GBX1: variants seen among roughly 807,000 people sequenced by gnomAD.
GBX1 encodes gastrulation brain homeobox 1, also known as homeobox protein GBX-1.
A neutral mutation model predicts 22.9 loss-of-function variants in GBX1; 9 were observed. That is an observed-to-expected ratio of 0.39 (90% confidence interval 0.24 to 0.69). GBX1 has a LOEUF of 0.69. Among genes scored for constraint, GBX1 ranks in the 30% least tolerant of loss-of-function variants. GBX1 has a pLI of 0.43. For missense variants in GBX1, 494 were observed against 509.2 expected, an observed-to-expected ratio of 0.97 and a Z score of 0.29; for synonymous variants, 203 against 227.3, an observed-to-expected ratio of 0.89 and a Z score of 0.96.
chr7:151,152,461 T>A (rs1011396063), intron 1 of GBX1, among the ~76,000 whole-genome samples: 1 of 152,238 alleles, frequency 6.6e-6, no homozygotes, highest in Non-Finnish European at 1.5e-5. Context: ...CTAATACCAT[T>A]AGTAAATCCT....
At chr7:151,158,343 C>T (rs1373077397) in intron 1 of GBX1, among the ~76,000 whole-genome samples, 1 of 152,144 alleles carries the variant, frequency 6.6e-6, no homozygotes, top group Non-Finnish European at 1.5e-5. Context: ...CTCAACCCAC[C>T]TGAGTGTGAA....
At chr7:151,165,353 T>G (rs1331315134) in intron 1 of GBX1, among the ~76,000 whole-genome samples, 1 of 152,202 alleles carries the variant, frequency 6.6e-6, no homozygotes, top group Non-Finnish European at 1.5e-5. Context: ...CATATGCCCC[T>G]AAGTCCCCGC....
In GBX1 at chr7:151,148,507, C is replaced by A; in HGVS notation, c.*82G>T. 3 of 1,327,816 alleles carry A rather than the reference C, an allele frequency of 2.3e-6. No individual in the cohort carries two copies. Among genetic ancestry groups the A allele is most frequent in the Non-Finnish European group, 3.1e-6 (3 of 965,892 alleles). 82.3% of individuals were successfully genotyped at this position (1,327,816 alleles called of 1,614,324 possible). ...CTCAAGGCAGAATCACAGTTGCAGCCCCTCTGGTCCACAGAACCCTGACAG... is the reference window on the plus strand; with the variant it reads ...CTCAAGGCAGAATCACAGTTGCAGCACCTCTGGTCCACAGAACCCTGACAG... On this transcript the variant is annotated 3_prime_UTR_variant, in exon 2 of 2. Transcript: ENST00000297537. This position sits in a 1 kb window ranked among gnomAD's most constrained non-coding sequence, Gnocchi z 5.1.
At position 151,148,650 on chromosome 7, in the gene GBX1, T is replaced by C. The variant is rs1801041381; in HGVS notation, c.1031A>G (p.His344Arg). The C allele has an allele frequency of 6.2e-7, 1 of 1,614,044 alleles. No homozygotes were observed. Among genetic ancestry groups the C allele is most frequent in the South Asian group, 1.1e-5 (1 of 91,068 alleles). The change falls in exon 2 of 2, where the codon CAT (histidine) becomes CGT (arginine). Residue 344 changes from histidine (H) to arginine (R), a missense_variant. Around this residue, in one of 3 missense-constraint regions of GBX1, gnomAD observed 124 missense variants for 152.0 expected, o/e 0.82. Transcript: ENST00000297537. This position sits in a 1 kb window ranked among gnomAD's most constrained non-coding sequence, Gnocchi z 5.1. ...GCTCCGCACAGCAAACCTGTTGACA[T>C]GCACAGGTATGGGGACAACAATCTT... ...NPKIVVPIPV[H>R]VNRFAVRSQH...
rs778703161 is a variant in GBX1, at chr7:151,148,599, G to A, written c.1082C>T (p.Ala361Val). ...TTCTTGGGTGCCCATTCAGGGCCGGGCCCCCTGCTCCATTTGTTGGTGCTG... is the reference window on the plus strand; with the variant it reads ...TTCTTGGGTGCCCATTCAGGGCCGGACCCCCTGCTCCATTTGTTGGTGCTG... ...RSQHQQMEQGARP is the reference protein window; with the variant it reads ...RSQHQQMEQGVRP Residue 361 changes from alanine (A) to valine (V), a missense_variant, in exon 2 of 2, where the codon GCC (alanine) becomes GTC (valine). By Grantham distance (64) the Ala-to-Val change is moderately conservative. Around this residue, in one of 3 missense-constraint regions of GBX1, gnomAD observed 124 missense variants for 152.0 expected, o/e 0.82. Transcript: ENST00000297537. The surrounding 1 kb of genome is among the most constrained non-coding windows in gnomAD (Gnocchi z 5.1). The A allele has an allele frequency of 6.2e-7, 1 of 1,612,726 alleles. No homozygotes were observed.
chr7:151,157,693 T>G (rs1801151475), intron 1 of GBX1, among the ~76,000 whole-genome samples: 1 of 150,856 alleles, frequency 6.6e-6, no homozygotes, highest in Non-Finnish European at 1.5e-5. Flanking sequence ...CCCGCTTCCT[T>G]TAGGTACTGC....
At chr7:151,166,595 T>TCC (rs1801254309) in intron 1 of GBX1, among the ~76,000 whole-genome samples, 3 of 148,646 alleles carry the variant, frequency 2.0e-5, no homozygotes, top group African/African-American at 2.5e-5. Flanking sequence ...GAACGTGCCC[T>TCC]CCATTGCTGA....
intron 1 of GBX1, among the ~76,000 whole-genome samples, chr7:151,151,047 G>A (rs538714540): frequency 1.1e-4 from 17 of 152,254 alleles, no homozygotes; most frequent in Non-Finnish European, 1.8e-4. Context: ...TTTCCTTAGT[G>A]GCCAGAACTC....
Position 151,149,147 on chromosome 7 carries a change from G to C in GBX1, c.539-5C>G. The C allele has an allele frequency of 6.3e-7, 1 of 1,597,066 alleles. No homozygotes were observed. The highest frequency in any genetic ancestry group is 1.1e-5 in the South Asian group (1 of 90,230). On this transcript the variant is annotated splice_polypyrimidine_tract_variant and splice_region_variant and intron_variant, in intron 1 of 1. Transcript: ENST00000297537. ...AGCTGTACACCTTCCCCTCTGCTGT[G>C]AGGAGCAAGAAGCCAATGGATGGGG... is the stretch of plus-strand genomic sequence containing the variant.
chr7:151,158,084 C>T (rs927712739), intron 1 of GBX1, among the ~76,000 whole-genome samples: 1 of 152,082 alleles, frequency 6.6e-6, no homozygotes, highest in Non-Finnish European at 1.5e-5. Context: ...TTTGCAGTTA[C>T]AAGAAGCAAT....
rs1483563896 is a variant in GBX1 at position 151,167,084 on chromosome 7, C to T, written c.465G>A (p.Pro155=). 3.7e-6 allele frequency: 6 copies of T among 1,603,110 alleles called. No individual in the cohort carries two copies. The African/African-American group carries it at 5.5e-5, about 15-fold the overall frequency. The part of the protein sequence containing the change: ...EGGLEADELL[P]AREKVAEPPP... ...GGGGCTCTGCCACTTTCTCCCGGGC[C>T]GGCAGCAGCTCATCAGCTTCCAGCC... Residue 155 remains proline, a synonymous_variant, in exon 1 of 2, where the codon CCG becomes CCA. Coordinates refer to ENST00000297537, the MANE Select transcript of GBX1 (RefSeq NM_001098834.3). This position sits in a 1 kb window ranked among gnomAD's most constrained non-coding sequence, Gnocchi z 5.9.
At chr7:151,159,954 G>A in intron 1 of GBX1, among the ~76,000 whole-genome samples, 1 of 151,942 alleles carries the variant, frequency 6.6e-6, no homozygotes, top group South Asian at 2.1e-4. Context: ...CTTTTCCACC[G>A]TAAAGACCAG....
intron 1 of GBX1, among the ~76,000 whole-genome samples, chr7:151,161,248 C>G (rs1350786659): frequency 6.6e-6 from 1 of 152,182 alleles, no homozygotes; most frequent in East Asian, 1.9e-4. Flanking sequence ...ATAGTCTACT[C>G]ATGCCTGCCA....
At chr7:151,164,667 C>A (rs1197179224) in intron 1 of GBX1, among the ~76,000 whole-genome samples, 1 of 151,976 alleles carries the variant, frequency 6.6e-6, no homozygotes, top group African/African-American at 2.4e-5. Context: ...TGAGTGATTA[C>A]CTTTATTCCA....
At chr7:151,152,397 G>T (rs1801090395) in intron 1 of GBX1, among the ~76,000 whole-genome samples, 1 of 152,182 alleles carries the variant, frequency 6.6e-6, no homozygotes, top group Non-Finnish European at 1.5e-5. Flanking sequence ...TATGCAGTAG[G>T]AATCTATAGG....
At position 151,148,780 on chromosome 7, in the gene GBX1, T is replaced by C. The variant is rs1563545421; in HGVS notation, c.901A>G (p.Ser301Gly). Reference sequence around the variant, plus strand: ...AACCAGATCTTGACCTGCACCTCACTGAGCTTGAGGGCGTGGGCGATCTGA... The same window carrying C: ...AACCAGATCTTGACCTGCACCTCACCGAGCTTGAGGGCGTGGGCGATCTGA... ...RSQIAHALKL[S>G]EVQVKIWFQN... Residue 301 changes from serine (S) to glycine (G), a missense_variant, in exon 2 of 2, where the codon AGT becomes GGT. This residue lies in a region of GBX1 where 124 missense variants were observed against 152.0 expected (regional missense o/e 0.82). Coordinates refer to ENST00000297537, the MANE Select transcript of GBX1 (RefSeq NM_001098834.3). This position sits in a 1 kb window ranked among gnomAD's most constrained non-coding sequence, Gnocchi z 5.1. The C allele has an allele frequency of 6.2e-7, 1 of 1,614,186 alleles. No individual in the cohort carries two copies.
At chr7:151,166,474 A>ACC (rs376110409) in intron 1 of GBX1, among the ~76,000 whole-genome samples, 1,220 of 70,594 alleles carry the variant, frequency 0.017, 91 homozygotes, top group East Asian at 0.044. Context: ...TTGAGACGCA[A>ACC]CCCCCCCCCC....
chr7:151,166,483 C>CCCG (rs1801252247), intron 1 of GBX1, among the ~76,000 whole-genome samples: 1 of 125,216 alleles, frequency 8.0e-6, no homozygotes, highest in East Asian at 2.3e-4. Flanking sequence ...AACCCCCCCC[C>CCCG]CCCAACACAC....
chr7:151,158,905 A>T (rs1486314244), intron 1 of GBX1, among the ~76,000 whole-genome samples: 2 of 152,152 alleles, frequency 1.3e-5, no homozygotes, highest in African/African-American at 4.8e-5. Context: ...TGTGAGGTAA[A>T]TATTACTGTC....
Sources: allele counts gnomAD v4.1 joint callset (sites outside exome capture counted in the v4.1 genomes callset), GRCh38; gene constraint gnomAD v4.1.1; regional missense constraint gnomAD v4.1.1; non-coding constraint Gnocchi (gnomAD v3.1); transcripts MANE v1.5; gene names NCBI Gene and HGNC (gene_info 2026-07-23, HGNC 2026-07-21).